TRPC3: variants seen among roughly 807,000 people sequenced by gnomAD.
TRPC3 encodes the protein transient receptor potential cation channel subfamily C member 3, also known as short transient receptor potential channel 3.
A neutral mutation model predicts 90.9 loss-of-function variants in TRPC3; 54 were observed. That is an observed-to-expected ratio of 0.59 (90% CI 0.48 to 0.75). The LOEUF (loss-of-function observed/expected upper bound fraction) is 0.75. Among genes scored for constraint, TRPC3 ranks in the 30% least tolerant of loss-of-function variants. The pLI, the probability that TRPC3 is intolerant of heterozygous loss-of-function variation, is 0.00. For synonymous variants in TRPC3, 424 were observed against 450.9 expected (o/e 0.94, Z 0.75); for missense variants, 918 against 1,194.5 (o/e 0.77, Z 3.41).
chr4:121,948,840 G>GGT (rs1553943821), intron 1 of TRPC3, among the ~76,000 whole-genome samples: 7 of 147,960 alleles, frequency 4.7e-5, no homozygotes, highest in Non-Finnish European at 7.4e-5. Flanking sequence ...ACTCTTTGCG[G>GGT]TTTTTTTTTT....
At position 121,951,839 on chromosome 4, in the gene TRPC3, C is replaced by G. The variant is rs941210155; in HGVS notation, c.-159G>C. The G allele has an allele frequency of 1.5e-5, 7 of 482,284 alleles. No individual in the cohort carries two copies. Among genetic ancestry groups the G allele is most frequent in the Non-Finnish European group, 2.4e-5 (7 of 297,502 alleles). The allele number at this position is 482,284 out of a possible 1,614,324, so 29.9% of individuals were successfully genotyped here. A position where few individuals can be genotyped will look rare whatever the true frequency, so the allele number is the denominator to read the frequency against. On this transcript the variant is annotated 5_prime_UTR_variant, in exon 1 of 12. Transcript: ENST00000379645. The surrounding 1 kb of genome is among the most constrained non-coding windows in gnomAD (Gnocchi z 4.4). ...GGCAGGAGCGGAGAGCGTCGCGGCC[C>G]GCGATCCAGCAGTTAGAGGCTAGCG...
At chr4:121,933,701 C>T (rs1374941689) in intron 1 of TRPC3, among the ~76,000 whole-genome samples, 1 of 152,044 alleles carries the variant, frequency 6.6e-6, no homozygotes, top group South Asian at 2.1e-4. Context: ...AGCCCTGAAC[C>T]CTTAGGCTCA....
intron 1 of TRPC3, among the ~76,000 whole-genome samples, chr4:121,946,140 TA>T (rs1730478367): frequency 6.6e-6 from 1 of 151,894 alleles, no homozygotes; most frequent in African/African-American, 2.4e-5. Flanking sequence ...AAGCAAAGAA[TA>T]AAAATAGTGG....
chr4:121,922,395 C>T (rs1186863443), intron 3 of TRPC3, among the ~76,000 whole-genome samples: 11 of 152,112 alleles, frequency 7.2e-5, no homozygotes, highest in Non-Finnish European at 2.9e-5. Flanking sequence ...AAATCAAAGA[C>T]TCTAATTAAT....
At chr4:121,896,566 AC>A (rs1270585951) in intron 10 of TRPC3, among the ~76,000 whole-genome samples, 1 of 152,036 alleles carries the variant, frequency 6.6e-6, no homozygotes, top group East Asian at 1.9e-4. Context: ...CATTTACAAT[AC>A]TCAGGTATAA....
chr4:121,884,468 C>G (rs892877333), intron 10 of TRPC3, among the ~76,000 whole-genome samples: 1 of 151,964 alleles, frequency 6.6e-6, no homozygotes, highest in Non-Finnish European at 1.5e-5. Context: ...TTGCATTACA[C>G]ATATTCTTAA....
chr4:121,880,865 T>A (rs1727917655), intron 11 of TRPC3, among the ~76,000 whole-genome samples: 1 of 152,034 alleles, frequency 6.6e-6, no homozygotes, highest in African/African-American at 2.4e-5. Context: ...ATAATTTCAA[T>A]ATTCTTCTAT....
At chr4:121,934,805 C>T (rs1456213368) in intron 1 of TRPC3, among the ~76,000 whole-genome samples, 1 of 152,110 alleles carries the variant, frequency 6.6e-6, no homozygotes, top group Non-Finnish European at 1.5e-5. Flanking sequence ...ACTGGCTTCT[C>T]CCAGATAGGG....
At chr4:121,901,299 G>A (rs1390264736) in intron 9 of TRPC3, among the ~76,000 whole-genome samples, 1 of 152,200 alleles carries the variant, frequency 6.6e-6, no homozygotes, top group Non-Finnish European at 1.5e-5. Context: ...ACTAGAGCCT[G>A]GCTCCTTTAA....
intron 2 of TRPC3, among the ~76,000 whole-genome samples, chr4:121,930,503 A>G (rs1170198556): frequency 1.3e-5 from 2 of 152,182 alleles, no homozygotes; most frequent in African/African-American, 4.8e-5. Flanking sequence ...GGGTAAAACT[A>G]TGAATAACAA....
intron 6 of TRPC3, 142 bp downstream of exon 6, chr4:121,910,012 T>C: frequency 1.5e-6 from 1 of 667,506 alleles, no homozygotes; most frequent in Non-Finnish European, 2.5e-6. Flanking sequence ...TTTTGTAGGT[T>C]CCAAAGTTCA....
In TRPC3 at chr4:121,912,161, T is replaced by C. The variant is rs1013460221; in HGVS notation, c.1342-68A>G. 6.1e-5 allele frequency: 81 copies of C among 1,318,572 alleles called. No individual in the cohort carries two copies. In the African/African-American group the frequency reaches 8.1e-4, roughly 13 times the overall value. 81.7% of individuals were successfully genotyped at this position (1,318,572 alleles called of 1,614,324 possible). A position where few individuals can be genotyped will look rare whatever the true frequency, so the allele number is the denominator to read the frequency against. ...GCTTTCACTTGTGGAGATTACAACA[T>C]AGGATTAAAAAAAATAGATGAAAGG... On this transcript the variant is annotated intron_variant, in intron 4 of 11. Coordinates refer to ENST00000379645, the MANE Select transcript of TRPC3 (RefSeq NM_001130698.2).
chr4:121,902,491 A>G (rs1728737214), intron 9 of TRPC3, among the ~76,000 whole-genome samples: 1 of 152,122 alleles, frequency 6.6e-6, no homozygotes, highest in Non-Finnish European at 1.5e-5. Context: ...ACATAAACCA[A>G]GAAGGCTAGA....
intron 7 of TRPC3, among the ~76,000 whole-genome samples, chr4:121,905,004 G>A (rs1054954243): frequency 6.6e-6 from 1 of 151,984 alleles, no homozygotes; most frequent in Non-Finnish European, 1.5e-5. Flanking sequence ...CATCAGTAGG[G>A]GACAGGCTAA....
chr4:121,938,382 G>A (rs1730200863), intron 1 of TRPC3, among the ~76,000 whole-genome samples: 1 of 152,164 alleles, frequency 6.6e-6, no homozygotes, highest in Admixed American at 6.5e-5. Flanking sequence ...TTTTGATCAT[G>A]TCAGTCACAA....
chr4:121,898,746 TAC>T (rs1191081927), intron 10 of TRPC3, among the ~76,000 whole-genome samples: 3 of 152,216 alleles, frequency 2.0e-5, no homozygotes, highest in African/African-American at 7.2e-5. Context: ...ATCTGATTCC[TAC>T]ATATGTATCA....
chr4:121,930,874 A>G (rs997334983), intron 2 of TRPC3: 1 of 379,460 alleles, frequency 2.6e-6, no homozygotes, highest in African/African-American at 2.2e-5. Context: ...CCAAGTAAAT[A>G]AATCTTTTCA....
At chr4:121,940,078 C>G (rs150804764) in intron 1 of TRPC3, among the ~76,000 whole-genome samples, 9 of 152,246 alleles carry the variant, frequency 5.9e-5, no homozygotes, top group African/African-American at 2.2e-4. Flanking sequence ...TGCTGGTAGA[C>G]AGACAGGCCA....
intron 4 of TRPC3, 102 bp from the exon 5 acceptor site, chr4:121,912,195 C>G: frequency 5.3e-6 from 5 of 948,964 alleles, no homozygotes; most frequent in Non-Finnish European, 7.6e-6. Flanking sequence ...GGAGAACACT[C>G]AAAATTCTGC....
Sources: allele counts gnomAD v4.1 joint callset (sites outside exome capture counted in the v4.1 genomes callset), GRCh38; gene constraint gnomAD v4.1.1; non-coding constraint Gnocchi (gnomAD v3.1); transcripts MANE v1.5; gene names NCBI Gene and HGNC (gene_info 2026-07-23, HGNC 2026-07-21).